Variants in NUP210L observed in about 807,000 individuals in gnomAD.
NUP210L encodes nucleoporin 210 like.
A neutral mutation model predicts 208.5 loss-of-function variants in NUP210L; 74 were observed. The ratio of observed to expected loss-of-function variants is 0.35; its 90% confidence interval spans 0.29 to 0.43. NUP210L has a LOEUF of 0.43. Ranked by LOEUF, NUP210L falls within the 20% of genes least tolerant of loss-of-function variation. The pLI is 1.00. For missense variants in NUP210L, 1,843 were observed against 2,289.4 expected (o/e 0.81, Z 3.98); for synonymous variants, 780 against 816.9 (o/e 0.95, Z 0.77).
intron 14 of NUP210L, among the ~76,000 whole-genome samples, chr1:154,099,315 C>T (rs1050000890): frequency 1.3e-4 from 20 of 152,084 alleles, no homozygotes; most frequent in Non-Finnish European, 2.5e-4. Context: ...AGGGAGCTCC[C>T]GCCCCACCAG....
At chr1:154,024,489 G>A (rs1332535461) in intron 30 of NUP210L, among the ~76,000 whole-genome samples, 1 of 152,018 alleles carries the variant, frequency 6.6e-6, no homozygotes, top group Non-Finnish European at 1.5e-5. Context: ...ACTTATCTCT[G>A]AGGTCTTTTC....
At chr1:154,116,793 C>T (rs1657356464) in intron 12 of NUP210L, among the ~76,000 whole-genome samples, 1 of 152,020 alleles carries the variant, frequency 6.6e-6, no homozygotes, top group Admixed American at 6.6e-5. Context: ...AAAGAGTTTT[C>T]AATCTTTTAG....
intron 17 of NUP210L, among the ~76,000 whole-genome samples, chr1:154,067,178 G>A (rs1654464824): frequency 6.6e-6 from 1 of 152,074 alleles, no homozygotes; most frequent in African/African-American, 2.4e-5. Context: ...GATGGACATT[G>A]ATGAGAAAAT....
chr1:154,018,795 TC>T, intron 33 of NUP210L, 137 bp downstream of exon 33: 1 of 916,792 alleles, frequency 1.1e-6, no homozygotes, highest in Non-Finnish European at 1.6e-6. Context: ...AGCTTTGTGT[TC>T]CAGTAAAGTT....
exon 40 of NUP210L, chr1:153,992,815 GA>G (rs763780368): frequency 2.6e-5 from 40 of 1,530,594 alleles, no homozygotes; most frequent in Non-Finnish European, 3.6e-5. Flanking sequence ...GCAGTTAAGA[GA>G]AACTTGTCCA....
At chr1:154,034,353 G>T (rs1382157977) in intron 27 of NUP210L, among the ~76,000 whole-genome samples, 1 of 151,638 alleles carries the variant, frequency 6.6e-6, no homozygotes, top group Non-Finnish European at 1.5e-5. Flanking sequence ...TTTTTGAGAT[G>T]GAGTCTCACT....
intron 4 of NUP210L, among the ~76,000 whole-genome samples, chr1:154,140,555 T>C (rs1433399099): frequency 6.7e-6 from 1 of 149,414 alleles, no homozygotes; most frequent in Non-Finnish European, 1.5e-5. Flanking sequence ...TAGTCCCAGC[T>C]ACTCAGGAGA....
Position 154,117,724 on chromosome 1 carries a change from C to G in NUP210L, c.1620+1G>C. ...ATAAGAATATCTGGAGAGTCGTTTA[C>G]CTTAATTTCTCCATATCGAAAGGGA... On this transcript the variant is annotated splice_donor_variant, in intron 12 of 39. Transcript: ENST00000368559. LOFTEE classifies it high-confidence loss of function. The G allele has an allele frequency of 1.6e-6, 2 of 1,280,816 alleles. No homozygotes were observed. Among genetic ancestry groups the G allele is most frequent in the African/African-American group, 1.5e-5 (1 of 66,638 alleles). The allele number at this position is 1,280,816 out of a possible 1,614,324, so 79.3% of individuals were successfully genotyped here.
intron 14 of NUP210L, among the ~76,000 whole-genome samples, chr1:154,095,980 T>C (rs1656160339): frequency 6.6e-6 from 1 of 152,224 alleles, no homozygotes; most frequent in South Asian, 2.1e-4. Context: ...AGTTCTGGGA[T>C]ACATGTGCAG....
At chr1:154,060,781 A>G (rs547219259) in intron 19 of NUP210L, 140 bp from the exon 20 acceptor site, 1 of 758,398 alleles carries the variant, frequency 1.3e-6, no homozygotes, top group South Asian at 1.8e-5. Context: ...ACAATTATTA[A>G]AGTACAATTT....
At chr1:154,120,949 T>C (rs1354670252) in intron 10 of NUP210L, among the ~76,000 whole-genome samples, 1 of 151,974 alleles carries the variant, frequency 6.6e-6, no homozygotes, top group Non-Finnish European at 1.5e-5. Flanking sequence ...AATATGTACT[T>C]TAAAAATCCC....
chr1:154,131,133 G>A (rs370098462), intron 7 of NUP210L, among the ~76,000 whole-genome samples: 2 of 151,798 alleles, frequency 1.3e-5, no homozygotes, highest in East Asian at 3.9e-4. Context: ...TTAGCCAGGC[G>A]TGGTGGCAGG....
chr1:154,099,015 C>T (rs748586033), intron 14 of NUP210L, among the ~76,000 whole-genome samples: 2 of 152,158 alleles, frequency 1.3e-5, no homozygotes, highest in African/African-American at 4.8e-5. Flanking sequence ...TTGCCCCAAG[C>T]GTGTGCTCAT....
chr1:154,045,935 A>AGATT (rs1653148834), intron 27 of NUP210L, 134 bp downstream of exon 27: 2 of 757,660 alleles, frequency 2.6e-6, no homozygotes, highest in East Asian at 2.9e-5. Context: ...CAGTGAGCTG[A>AGATT]GATTGCACCA....
At chr1:154,058,124 G>C (rs755335778) in exon 22 of NUP210L, 247 of 1,614,016 alleles carry the variant, frequency 1.5e-4, no homozygotes, top group Non-Finnish European at 2.1e-4. Context: ...ACTGCAGTTT[G>C]AGTTCCATGT....
At chr1:153,995,150 C>A in exon 38 of NUP210L, 1 of 1,613,962 alleles carries the variant, frequency 6.2e-7, no homozygotes, top group Non-Finnish European at 8.5e-7. Flanking sequence ...GCCAGTGAAC[C>A]GCTTGAGGAT....
intron 35 of NUP210L, among the ~76,000 whole-genome samples, chr1:154,006,309 A>C (rs751377648): frequency 7.9e-5 from 12 of 152,020 alleles, no homozygotes; most frequent in South Asian, 6.2e-4. Context: ...GGAAAAAAAA[A>C]CAAACTAAAC....
At chr1:154,142,587 TG>T (rs1658907658) in intron 3 of NUP210L, among the ~76,000 whole-genome samples, 1 of 152,090 alleles carries the variant, frequency 6.6e-6, no homozygotes, top group African/African-American at 2.4e-5. Context: ...GTGGTAGATT[TG>T]GGTATCTAAG....
At chr1:154,000,909 G>A (rs747998705) in exon 37 of NUP210L, 2 of 1,614,050 alleles carry the variant, frequency 1.2e-6, no homozygotes, top group Non-Finnish European at 1.7e-6. Flanking sequence ...ACTTTGACTG[G>A]TGAGTACACA....
Sources: gnomAD v4.1 joint callset for allele counts (sites outside exome capture counted in the v4.1 genomes callset) on GRCh38, gnomAD v4.1.1 for gene constraint, MANE v1.5 for transcripts, NCBI Gene and HGNC (gene_info 2026-07-23, HGNC 2026-07-21) for gene names.